Variants in HS3ST4 observed in about 807,000 individuals in gnomAD.
HS3ST4 encodes heparan sulfate glucosamine 3-O-sulfotransferase 4.
HS3ST4 carries 17 observed loss-of-function variants against 29.2 expected under a neutral mutation model. The observed-to-expected ratio is 0.58, with a 90% CI of 0.40 to 0.87. The LOEUF is 0.87. Among genes scored for constraint, HS3ST4 ranks in the 40% least tolerant of loss-of-function variants. The pLI is 0.00. For synonymous variants in HS3ST4, 314 were observed against 285.7 expected, an observed-to-expected ratio of 1.10 and a Z score of -1.00; for missense variants, 627 against 634.5, an observed-to-expected ratio of 0.99 and a Z score of 0.13.
chr16:25,770,262 A>G (rs889328788), intron 1 of HS3ST4, among the ~76,000 whole-genome samples: 1 of 152,212 alleles, frequency 6.6e-6, no homozygotes, highest in Non-Finnish European at 1.5e-5. Context: ...AGTGAGAAAG[A>G]AAACATATTC....
chr16:25,719,681 A>G (rs1966480010), intron 1 of HS3ST4, among the ~76,000 whole-genome samples: 1 of 152,238 alleles, frequency 6.6e-6, no homozygotes, highest in African/African-American at 2.4e-5. Context: ...GTATGTGAAG[A>G]AAGAGTAGAG....
chr16:25,778,735 GAGAAGGAGGAGAAGA>G (rs1414849320), intron 1 of HS3ST4, among the ~76,000 whole-genome samples: 1 of 151,812 alleles, frequency 6.6e-6, no homozygotes, highest in Non-Finnish European at 1.5e-5. Flanking sequence ...GGAGGAGAAG[GAGAAGGAGGAGAAGA>G]AGGAGGAGGA....
intron 1 of HS3ST4, among the ~76,000 whole-genome samples, chr16:25,958,273 A>G (rs559030540): frequency 6.6e-6 from 1 of 152,340 alleles, no homozygotes; most frequent in Admixed American, 6.5e-5. Flanking sequence ...GTCTCAAATA[A>G]TAACAGTCAT....
At chr16:26,025,179 A>C (rs1969455461) in intron 1 of HS3ST4, 1 of 153,604 alleles carries the variant, frequency 6.5e-6, no homozygotes, top group Non-Finnish European at 1.5e-5. Flanking sequence ...TAAAAGGACA[A>C]ATTTTTCCAA....
At chr16:25,955,863 G>T (rs553844062) in intron 1 of HS3ST4, among the ~76,000 whole-genome samples, 1 of 149,720 alleles carries the variant, frequency 6.7e-6, no homozygotes, top group African/African-American at 2.5e-5. Context: ...CTCCCAGGTT[G>T]GAGTGCAGTG....
intron 1 of HS3ST4, among the ~76,000 whole-genome samples, chr16:26,097,606 G>T (rs141363777): frequency 1.3e-5 from 2 of 152,174 alleles, no homozygotes; most frequent in African/African-American, 4.8e-5. Context: ...AGACTTAAAT[G>T]TTAGACCCAA....
At chr16:25,909,029 C>T (rs1225954571) in intron 1 of HS3ST4, among the ~76,000 whole-genome samples, 2 of 152,196 alleles carry the variant, frequency 1.3e-5, no homozygotes, top group African/African-American at 4.8e-5. Flanking sequence ...CTGGCTGAGG[C>T]TGATGGCATC....
At chr16:25,946,437 T>G (rs772970897) in intron 1 of HS3ST4, among the ~76,000 whole-genome samples, 1 of 152,224 alleles carries the variant, frequency 6.6e-6, no homozygotes, top group African/African-American at 2.4e-5. Flanking sequence ...GGATTAGTTA[T>G]GTTCTTGTGT....
chr16:25,906,065 T>C (rs1444384680), intron 1 of HS3ST4, among the ~76,000 whole-genome samples: 5 of 152,198 alleles, frequency 3.3e-5, no homozygotes, highest in South Asian at 2.1e-4. Context: ...AAAATTGAGT[T>C]GACGTTGCAG....
intron 1 of HS3ST4, among the ~76,000 whole-genome samples, chr16:25,715,342 A>C (rs1401367295): frequency 5.0e-5 from 2 of 39,670 alleles, no homozygotes; most frequent in African/African-American, 1.4e-4. Flanking sequence ...AAAAAAAAAA[A>C]AAACCAAAAA....
chr16:26,043,651 T>A (rs1456989239), intron 1 of HS3ST4, among the ~76,000 whole-genome samples: 1 of 152,124 alleles, frequency 6.6e-6, no homozygotes, highest in African/African-American at 2.4e-5. Flanking sequence ...GGAAAAGAGA[T>A]CATTATTACC....
At chr16:25,878,602 G>A (rs1967858824) in intron 1 of HS3ST4, among the ~76,000 whole-genome samples, 1 of 152,142 alleles carries the variant, frequency 6.6e-6, no homozygotes, top group Non-Finnish European at 1.5e-5. Context: ...CAAGCCAGGT[G>A]CATTTGCACC....
chr16:25,996,233 C>T (rs996481499), intron 1 of HS3ST4, among the ~76,000 whole-genome samples: 17 of 152,186 alleles, frequency 1.1e-4, no homozygotes, highest in South Asian at 6.2e-4. Context: ...AAGAAGTATC[C>T]GCCATTTGTT....
At chr16:25,732,060 A>T (rs555448936) in intron 1 of HS3ST4, among the ~76,000 whole-genome samples, 41 of 152,344 alleles carry the variant, frequency 2.7e-4, no homozygotes, top group African/African-American at 9.1e-4. Flanking sequence ...TGCAAAACCC[A>T]TAAGGGGTTG....
chr16:25,927,683 C>A (rs1012065157), intron 1 of HS3ST4, among the ~76,000 whole-genome samples: 1 of 151,124 alleles, frequency 6.6e-6, no homozygotes, highest in African/African-American at 2.4e-5. Flanking sequence ...AGCCCCAGCT[C>A]GCTGTTTTTC....
intron 1 of HS3ST4, among the ~76,000 whole-genome samples, chr16:25,985,372 GC>G (rs1969051318): frequency 6.6e-6 from 1 of 152,162 alleles, no homozygotes; most frequent in Non-Finnish European, 1.5e-5. Flanking sequence ...GTGGTTGCTT[GC>G]AGTTCTGTAG....
chr16:26,066,246 T>A (rs1898540758), intron 1 of HS3ST4, among the ~76,000 whole-genome samples: 1 of 152,198 alleles, frequency 6.6e-6, no homozygotes, highest in Non-Finnish European at 1.5e-5. Flanking sequence ...ACAAGGGGTA[T>A]GAGCTAATTA....
chr16:25,695,417 T>C (rs1006756651), intron 1 of HS3ST4, among the ~76,000 whole-genome samples: 1 of 152,252 alleles, frequency 6.6e-6, no homozygotes, highest in Non-Finnish European at 1.5e-5. Context: ...GAAGACCCGT[T>C]GGACCCACAG....
At chr16:25,921,739 C>T (rs1968356139) in intron 1 of HS3ST4, among the ~76,000 whole-genome samples, 1 of 151,274 alleles carries the variant, frequency 6.6e-6, no homozygotes, top group South Asian at 2.1e-4. Context: ...ATTAATTTCT[C>T]TCTTCTAAGT....
Sources: gnomAD v4.1 joint callset for allele counts (sites outside exome capture counted in the v4.1 genomes callset) on GRCh38, gnomAD v4.1.1 for gene constraint, MANE v1.5 for transcripts, NCBI Gene and HGNC (gene_info 2026-07-23, HGNC 2026-07-21) for gene names.